ADAM17: variants seen among roughly 807,000 people sequenced by gnomAD.
ADAM17 encodes ADAM metallopeptidase domain 17, also known as disintegrin and metalloproteinase domain-containing protein 17.
ADAM17 carries 39 observed loss-of-function variants against 96.7 expected under a neutral mutation model. The observed-to-expected ratio is 0.40, with a 90% CI of 0.31 to 0.53. The LOEUF is 0.53. Ranked by LOEUF, ADAM17 falls within the 20% of genes least tolerant of loss-of-function variation. The pLI is 0.44. For missense variants in ADAM17, 777 were observed against 1,013.2 expected, an observed-to-expected ratio of 0.77 and a Z score of 3.17; for synonymous variants, 344 against 359.2, an observed-to-expected ratio of 0.96 and a Z score of 0.48.
chr2:9,522,822 T>A (rs192295681), intron 7 of ADAM17, among the ~76,000 whole-genome samples: 1 of 152,112 alleles, frequency 6.6e-6, no homozygotes, highest in Admixed American at 6.6e-5. Context: ...GAAGGAGATA[T>A]CTGAGAGGAA....
intron 13 of ADAM17, among the ~76,000 whole-genome samples, chr2:9,497,695 A>C (rs925282825): frequency 6.6e-6 from 1 of 152,150 alleles, no homozygotes; most frequent in African/African-American, 2.4e-5. Context: ...ATTAACAGAT[A>C]CTATTCCTTC....
chr2:9,490,421 A>T lies in ADAM17; in HGVS notation c.2231T>A (p.Val744Glu). Residue 744 changes from valine to glutamate, a missense_variant, in exon 19 of 19, where the codon GTG (valine) becomes GAG (glutamate). Around this residue, in one of 3 missense-constraint regions of ADAM17, gnomAD observed 197 missense variants for 219.4 expected, o/e 0.90. Coordinates refer to ENST00000310823, the MANE Select transcript of ADAM17 (RefSeq NM_003183.6). ...QTPGRLQPAPVIPSAPAAPKL... is the reference protein window; with the variant it reads ...QTPGRLQPAPEIPSAPAAPKL... ...TGGAGCTGCTGGCGCCGAAGGGATCACAGGGGCAGGCTGCAGGCGGCCTGG... is the reference window on the plus strand; with the variant it reads ...TGGAGCTGCTGGCGCCGAAGGGATCTCAGGGGCAGGCTGCAGGCGGCCTGG... 6.2e-7 allele frequency: 1 copy of T among 1,614,204 alleles called. No individual in the cohort carries two copies. Among genetic ancestry groups the T allele is most frequent in the South Asian group, 1.1e-5 (1 of 91,080 alleles).
chr2:9,551,359 T>G (rs1195991241), intron 1 of ADAM17, among the ~76,000 whole-genome samples: 1 of 152,216 alleles, frequency 6.6e-6, no homozygotes, highest in Non-Finnish European at 1.5e-5. Flanking sequence ...CCAGAAGTGT[T>G]TCATTCATCA....
At chr2:9,526,485 G>C (rs1054136535) in intron 5 of ADAM17, among the ~76,000 whole-genome samples, 2 of 152,146 alleles carry the variant, frequency 1.3e-5, no homozygotes, top group Admixed American at 6.5e-5. Flanking sequence ...TTCCAATACA[G>C]AAACTTTAAA....
intron 11 of ADAM17, among the ~76,000 whole-genome samples, chr2:9,509,212 C>T (rs187244247): frequency 2.5e-4 from 38 of 152,300 alleles, no homozygotes; most frequent in African/African-American, 6.5e-4. Context: ...CTCTCCCCAC[C>T]GACCCTCTTT....
chr2:9,551,455 T>C (rs1406862135), intron 1 of ADAM17, among the ~76,000 whole-genome samples: 2 of 152,226 alleles, frequency 1.3e-5, no homozygotes. Context: ...AATTCATTTA[T>C]GTTTCATTTA....
chr2:9,491,067 C>A, intron 18 of ADAM17, 34 bp downstream of exon 18: 4 of 1,597,042 alleles, frequency 2.5e-6, no homozygotes, highest in Non-Finnish European at 3.4e-6. Context: ...TCAGACCAGG[C>A]GAAGATTATG....
intron 4 of ADAM17, among the ~76,000 whole-genome samples, chr2:9,531,982 T>C (rs1418362789): frequency 6.6e-6 from 1 of 152,038 alleles, no homozygotes; most frequent in Non-Finnish European, 1.5e-5. Flanking sequence ...CATGGTGGCA[T>C]GCACCTGTAG....
intron 1 of ADAM17, among the ~76,000 whole-genome samples, chr2:9,552,928 T>C (rs936147471): frequency 3.3e-5 from 5 of 152,204 alleles, no homozygotes; most frequent in Admixed American, 2.6e-4. Flanking sequence ...TACTGCAATA[T>C]AGTAGTATTT....
intron 14 of ADAM17, among the ~76,000 whole-genome samples, chr2:9,496,838 C>T (rs1189131587): frequency 6.6e-6 from 1 of 152,142 alleles, no homozygotes; most frequent in Admixed American, 6.5e-5. Context: ...ACCCACTCAC[C>T]CCCAACAAAA....
At chr2:9,527,283 C>T (rs900340275) in intron 5 of ADAM17, among the ~76,000 whole-genome samples, 2 of 150,122 alleles carry the variant, frequency 1.3e-5, no homozygotes, top group Non-Finnish European at 3.0e-5. Flanking sequence ...GATCGCGCTG[C>T]AAACAAAACA....
Position 9,497,174 on chromosome 2 carries a change from C to T in ADAM17, c.1723G>A (p.Asp575Asn). ...TCGCAGAAAGGGATGCATTTCCCATCCTTACACTTGCCAAGATCCAAGCAA... is the reference window on the plus strand; with the variant it reads ...TCGCAGAAAGGGATGCATTTCCCATTCTTACACTTGCCAAGATCCAAGCAA... The part of the protein sequence containing the change: ...TVCLDLGKCK[D>N]GKCIPFCERE... Residue 575 changes from aspartate (D) to asparagine (N), a missense_variant, in exon 14 of 19, where the codon GAT becomes AAT. Physicochemically the swap from Asp to Asn is conservative, Grantham distance 23 (BLOSUM62 1). Around this residue, in one of 3 missense-constraint regions of ADAM17, gnomAD observed 446 missense variants for 664.7 expected, o/e 0.67. Coordinates refer to ENST00000310823, the MANE Select transcript of ADAM17 (RefSeq NM_003183.6). The T allele has an allele frequency of 6.2e-7, 1 of 1,614,236 alleles. No homozygotes were observed. The highest frequency in any genetic ancestry group is 2.2e-5 in the East Asian group (1 of 44,886).
intron 14 of ADAM17, among the ~76,000 whole-genome samples, chr2:9,496,746 A>G (rs112486524): frequency 1.1e-4 from 16 of 152,242 alleles, no homozygotes; most frequent in Non-Finnish European, 2.2e-4. Context: ...TTCCATGCCA[A>G]TGTAATGTAG....
At chr2:9,531,377 C>T (rs1664731056) in intron 4 of ADAM17, among the ~76,000 whole-genome samples, 1 of 151,776 alleles carries the variant, frequency 6.6e-6, no homozygotes, top group African/African-American at 2.4e-5. Flanking sequence ...ACCAGCCTCA[C>T]TAACATGGTG....
In ADAM17 at chr2:9,555,730, C is replaced by T; in HGVS notation, c.-125G>A. 1.4e-6 allele frequency: 1 copy of T among 739,464 alleles called. No individual in the cohort carries two copies. The highest frequency in any genetic ancestry group is 2.0e-6 in the Non-Finnish European group (1 of 496,192). The allele number at this position is 739,464 out of a possible 1,614,324, so 45.8% of individuals were successfully genotyped here. A position where few individuals can be genotyped will look rare whatever the true frequency, so the allele number is the denominator to read the frequency against. Reference sequence around the variant, plus strand: ...CTAGCCCCTCAATCCTCTTTTCCCTCCCGCGCCGCCTACTGGGAAGATTCT... The same window carrying T: ...CTAGCCCCTCAATCCTCTTTTCCCTTCCGCGCCGCCTACTGGGAAGATTCT... On this transcript the variant is annotated 5_prime_UTR_variant, in exon 1 of 19. Coordinates refer to ENST00000310823, the MANE Select transcript of ADAM17 (RefSeq NM_003183.6).
chr2:9,505,555 G>A (rs774720541), intron 11 of ADAM17, 190 bp from the exon 12 acceptor site: 13 of 604,904 alleles, frequency 2.1e-5, no homozygotes, highest in Non-Finnish European at 3.8e-5. Flanking sequence ...TCCCTCCATA[G>A]AATGCTAAAT....
intron 1 of ADAM17, among the ~76,000 whole-genome samples, chr2:9,548,170 TA>T (rs1665470727): frequency 6.6e-6 from 1 of 151,706 alleles, no homozygotes; most frequent in Non-Finnish European, 1.5e-5. Context: ...CTGTCTCTGC[TA>T]AAAATACAAG....
chr2:9,539,272 T>C lies in ADAM17; in HGVS notation c.231-2444A>G, dbSNP rs544447993. ...ACAGGCGCCTGCTACCACGCCTGGC[T>C]AATTTTTTGTATTTTTAGTAGAGAC... On this transcript the variant is annotated intron_variant, in intron 2 of 18. Transcript: ENST00000310823. Among the ~76,000 whole-genome samples, 53 of 152,166 alleles carry C rather than the reference T, an allele frequency of 3.5e-4. 1 individual carries two copies. The highest frequency in any genetic ancestry group is 1.4e-3 in the Admixed American group (21 of 15,288).
intron 8 of ADAM17, among the ~76,000 whole-genome samples, chr2:9,520,768 A>G (rs1664273004): frequency 6.6e-6 from 1 of 151,908 alleles, no homozygotes. Flanking sequence ...GTTCAAGACC[A>G]GCCTGACCAA....
Sources: allele counts gnomAD v4.1 joint callset (sites outside exome capture counted in the v4.1 genomes callset), GRCh38; gene constraint gnomAD v4.1.1; regional missense constraint gnomAD v4.1.1; transcripts MANE v1.5; gene names NCBI Gene and HGNC (gene_info 2026-07-23, HGNC 2026-07-21).